The following HSPA12A variants were observed in gnomAD, a reference collection of about 807,000 sequenced individuals.
The protein encoded by HSPA12A is heat shock 70 kDa protein 12A.
In HSPA12A, 28 loss-of-function variants were observed where a neutral mutation model predicts 69.2. The ratio of observed to expected loss-of-function variants is 0.40; its 90% CI spans 0.30 to 0.55. HSPA12A has a LOEUF of 0.55. HSPA12A is among the 20% of genes least tolerant of loss of function. HSPA12A has a pLI of 0.38. For missense variants in HSPA12A, 686 were observed against 900.7 expected (o/e 0.76, Z 3.05); for synonymous variants, 345 against 370.5 (o/e 0.93, Z 0.79).
chr10:116,727,525 G>T (rs1554885185), intron 1 of HSPA12A, among the ~76,000 whole-genome samples: 2 of 152,128 alleles, frequency 1.3e-5, no homozygotes, highest in African/African-American at 4.8e-5. Context: ...ATGACACAAG[G>T]GTGTGAGTAC....
intron 6 of HSPA12A, among the ~76,000 whole-genome samples, chr10:116,688,376 G>A (rs1464953179): frequency 2.0e-5 from 3 of 152,200 alleles, no homozygotes; most frequent in South Asian, 4.1e-4. Context: ...CCAAGAATTC[G>A]GGGCAGCAGG....
intron 1 of HSPA12A, among the ~76,000 whole-genome samples, chr10:116,728,871 G>A (rs1168526059): frequency 6.6e-6 from 1 of 152,154 alleles, no homozygotes; most frequent in Non-Finnish European, 1.5e-5. Flanking sequence ...TGTGACCAGG[G>A]GCAGGTGCGG....
At chr10:116,808,816 A>C (rs1845118362) in intron 2 of HSPA12A, among the ~76,000 whole-genome samples, 1 of 152,122 alleles carries the variant, frequency 6.6e-6, no homozygotes, top group African/African-American at 2.4e-5. Flanking sequence ...ACATTCCTGT[A>C]CAGGGTGTAT....
At chr10:116,714,708 C>G (rs1554883572) in intron 1 of HSPA12A, among the ~76,000 whole-genome samples, 1 of 152,190 alleles carries the variant, frequency 6.6e-6, no homozygotes, top group Non-Finnish European at 1.5e-5. Context: ...CACTACTGAC[C>G]CCAGGCTCTT....
At chr10:116,773,275 C>T (rs1844254108) in intron 2 of HSPA12A, among the ~76,000 whole-genome samples, 1 of 150,574 alleles carries the variant, frequency 6.6e-6, no homozygotes, top group Admixed American at 6.6e-5. Context: ...TGCTAATGAG[C>T]AAAGGCTTCA....
intron 1 of HSPA12A, among the ~76,000 whole-genome samples, chr10:116,740,403 T>C (rs1330861323): frequency 1.3e-5 from 2 of 152,222 alleles, no homozygotes; most frequent in Non-Finnish European, 1.5e-5. Context: ...TCCTCCATTT[T>C]ACAGATAAAG....
rs527622513 is a variant in HSPA12A at position 116,689,036 on chromosome 10, A to G, written c.663+3315T>C. ...TAACCCATCTTTTCAACAAGCACTC[A>G]ACTCAAGGCGAGTTTCTGGAGTTTC... On this transcript the variant is annotated intron_variant, in intron 6 of 11. Coordinates refer to ENST00000369209, the MANE Select transcript of HSPA12A (RefSeq NM_025015.3). Among the ~76,000 whole-genome samples, 50 of 152,298 alleles carry G rather than the reference A, an allele frequency of 3.3e-4. No individual in the cohort carries two copies. The East Asian group carries it at 9.5e-3, about 29-fold the overall frequency.
chr10:116,784,179 G>A (rs1402625095), intron 2 of HSPA12A, among the ~76,000 whole-genome samples: 1 of 152,236 alleles, frequency 6.6e-6, no homozygotes, highest in East Asian at 1.9e-4. Flanking sequence ...TCCTCTTCCT[G>A]GACACACAAA....
In HSPA12A at chr10:116,707,187, A is replaced by G. The variant is rs782231230; in HGVS notation, c.126+13T>C. The stretch of plus-strand genomic sequence containing the variant: ...CACACACACACACACACACACACAC[A>G]CACACTTCTTACCACAATATGGGAG... On this transcript the variant is annotated intron_variant, in intron 2 of 11. Transcript: ENST00000369209. 1.9e-6 allele frequency: 3 copies of G among 1,567,002 alleles called. No homozygotes were observed. The African/African-American group carries it at 4.1e-5, about 21-fold the overall frequency.
intron 1 of HSPA12A, among the ~76,000 whole-genome samples, chr10:116,837,359 G>C (rs1845733125): frequency 6.6e-6 from 1 of 152,140 alleles, no homozygotes; most frequent in African/African-American, 2.4e-5. Flanking sequence ...TACCAATCTG[G>C]GAACAAAGCT....
chr10:116,821,273 T>C (rs1167454056), intron 2 of HSPA12A, among the ~76,000 whole-genome samples: 1 of 152,178 alleles, frequency 6.6e-6, no homozygotes, highest in Non-Finnish European at 1.5e-5. Flanking sequence ...CGTGGCCTCA[T>C]CTCCCAGCTA....
intron 1 of HSPA12A, among the ~76,000 whole-genome samples, chr10:116,842,165 A>C (rs1845812434): frequency 6.6e-6 from 1 of 152,224 alleles, no homozygotes. Flanking sequence ...CTCAAGTTTA[A>C]TTACAAAAGT....
intron 10 of HSPA12A, among the ~76,000 whole-genome samples, chr10:116,676,837 G>C (rs781934541): frequency 6.6e-6 from 1 of 152,172 alleles, no homozygotes; most frequent in East Asian, 1.9e-4. Context: ...ACAATATTTG[G>C]ATTCAAGCAC....
chr10:116,825,400 A>G, intron 2 of HSPA12A, among the ~76,000 whole-genome samples: 1 of 151,910 alleles, frequency 6.6e-6, no homozygotes, highest in Non-Finnish European at 1.5e-5. Flanking sequence ...AGTCTCAGCT[A>G]CTTGGGAGGC....
In HSPA12A at chr10:116,785,777, C is replaced by T. The variant is rs1025647208; in HGVS notation, c.91+49158G>A. ...CCAGGGAATGGTCTCAGCCATCCAC[C>T]GGTTATCCCAGCCAGAAGCCAGGCA... On this transcript the variant is annotated intron_variant, in intron 2 of 12. Coordinates refer to the HSPA12A transcript ENST00000635765. Among the ~76,000 whole-genome samples, 17 of 152,288 alleles carry T rather than the reference C, an allele frequency of 1.1e-4. 1 individual carries two copies. The highest frequency in any genetic ancestry group is 3.9e-4 in the East Asian group (2 of 5,158).
At position 116,773,655 on chromosome 10, in the gene HSPA12A, G is replaced by A. The variant is rs1001229903; in HGVS notation, c.91+61280C>T. On this transcript the variant is annotated intron_variant, in intron 2 of 12. Transcript: ENST00000635765. The stretch of plus-strand genomic sequence containing the variant: ...GCTCACAGTGGGGGCCTCAGCCAAG[G>A]GTTGTCAACTGCAGCCTGAGAAAGT... 2.0e-5 allele frequency among the ~76,000 whole-genome samples: 3 copies of A among 152,180 alleles called. No individual in the cohort carries two copies. In the East Asian group the frequency reaches 5.8e-4, roughly 29 times the overall value.
intron 6 of HSPA12A, among the ~76,000 whole-genome samples, chr10:116,689,946 G>C (rs1564779237): frequency 6.6e-6 from 1 of 152,164 alleles, no homozygotes; most frequent in Non-Finnish European, 1.5e-5. Context: ...CCATTGCTTT[G>C]CTCAGTTTAT....
chr10:116,751,619 A>G (rs1172503413), intron 2 of HSPA12A, among the ~76,000 whole-genome samples: 1 of 152,230 alleles, frequency 6.6e-6, no homozygotes, highest in African/African-American at 2.4e-5. Context: ...TTGCTTTCCC[A>G]GGAAAAACAG....
At chr10:116,756,054 A>G (rs1467896042) in intron 2 of HSPA12A, among the ~76,000 whole-genome samples, 2 of 152,138 alleles carry the variant, frequency 1.3e-5, no homozygotes, top group African/African-American at 2.4e-5. Context: ...TAACCACTAA[A>G]AGTATGCCTG....
Sources: gnomAD v4.1 joint callset for allele counts (sites outside exome capture counted in the v4.1 genomes callset) on GRCh38, gnomAD v4.1.1 for gene constraint, MANE v1.5 for transcripts, NCBI Gene and HGNC (gene_info 2026-07-23, HGNC 2026-07-21) for gene names.